The following DYNC2H1 variants were observed in gnomAD, a reference collection of about 807,000 sequenced individuals.
DYNC2H1 encodes dynein cytoplasmic 2 heavy chain 1.
In DYNC2H1, 410 loss-of-function variants were observed where a neutral mutation model predicts 570.0. That is an observed-to-expected ratio of 0.72 (90% CI 0.66 to 0.78). The LOEUF (loss-of-function observed/expected upper bound fraction) is 0.78, where lower values mean the gene tolerates loss of function less well. Among genes scored for constraint, DYNC2H1 ranks in the 30% least tolerant of loss-of-function variants. The pLI is 0.00. For missense variants in DYNC2H1, 4,865 were observed against 5,046.4 expected (o/e 0.96, Z 1.09); for synonymous variants, 1,688 against 1,677.6 (o/e 1.01, Z -0.15).
intron 80 of DYNC2H1, among the ~76,000 whole-genome samples, chr11:103,318,680 T>G (rs3898989): frequency 0.17 from 25,274 of 151,996 alleles, 2,299 homozygotes; most frequent in Admixed American, 0.26. Flanking sequence ...TGTTCACCAT[T>G]ACTAGTTAAT....
chr11:103,171,671 T>C (rs1861579878), intron 34 of DYNC2H1, among the ~76,000 whole-genome samples: 1 of 152,208 alleles, frequency 6.6e-6, no homozygotes, highest in South Asian at 2.1e-4. Context: ...CCTTAATGTA[T>C]TGTCTCATTT....
At chr11:103,337,180 G>A (rs1268456838) in intron 82 of DYNC2H1, among the ~76,000 whole-genome samples, 1 of 152,096 alleles carries the variant, frequency 6.6e-6, no homozygotes, top group Non-Finnish European at 1.5e-5. Context: ...CCTTTATTTT[G>A]GCCCATCCCA....
chr11:103,154,424 T>G (rs1359515115), intron 22 of DYNC2H1, 27 bp from the exon 23 acceptor site: 1 of 1,500,946 alleles, frequency 6.7e-7, no homozygotes, highest in South Asian at 1.4e-5. Flanking sequence ...TTTTTAAAAT[T>G]TAATATTTCA....
chr11:103,240,091 T>G (rs1404742946), intron 63 of DYNC2H1, among the ~76,000 whole-genome samples: 2 of 152,102 alleles, frequency 1.3e-5, no homozygotes, highest in African/African-American at 2.4e-5. Flanking sequence ...AACTAGCAAT[T>G]TATGCTTTTA....
rs1864978485 is a variant in DYNC2H1, at chr11:103,254,764, ATTTG to A, written c.10207-647_10207-644del. ...TGATGACATAGTATTTTATCTTTTT[ATTTG>A]TTTATTTTATTTTATTTTTTTGAGA... On this transcript the variant is annotated intron_variant, in intron 66 of 88. Coordinates refer to ENST00000375735, the MANE Select transcript of DYNC2H1 (RefSeq NM_001377.3). The surrounding 1 kb of genome is among the most constrained non-coding windows in gnomAD (Gnocchi z 4.9). Among the ~76,000 whole-genome samples the A allele has an allele frequency of 6.6e-6, 1 of 151,516 alleles. No homozygotes were observed. The highest frequency in any genetic ancestry group is 1.5e-5 in the Non-Finnish European group (1 of 67,830).
chr11:103,198,369 T>C (rs1862583580), intron 48 of DYNC2H1, among the ~76,000 whole-genome samples: 1 of 152,138 alleles, frequency 6.6e-6, no homozygotes, highest in Admixed American at 6.5e-5. Context: ...ATTAGAGTCA[T>C]GTAGAGATTA....
chr11:103,271,982 A>G (rs1865727203), intron 70 of DYNC2H1, among the ~76,000 whole-genome samples: 1 of 152,212 alleles, frequency 6.6e-6, no homozygotes, highest in Non-Finnish European at 1.5e-5. Flanking sequence ...GTGGGACTGT[A>G]AACTGGTTCA....
In DYNC2H1 at chr11:103,177,743, A is replaced by G. The variant is rs368992145; in HGVS notation, c.6062A>G (p.His2021Arg). The G allele has an allele frequency of 1.1e-5, 17 of 1,613,418 alleles. No homozygotes were observed. The African/African-American group carries it at 2.0e-4, about 19-fold the overall frequency. Residue 2021 changes from histidine to arginine, a missense_variant, in exon 38 of 89, where the codon CAT (histidine) becomes CGT (arginine). Physicochemically the swap from His to Arg is conservative, Grantham distance 29. Transcript: ENST00000375735. This position sits in a 1 kb window ranked among gnomAD's most constrained non-coding sequence, Gnocchi z 4.4. ...ATGCCTCGATATCAATTATTAGGCC[A>G]TATTGACATGGACACAAGAGAATGG... ...KAMPRYQLLG[H>R]IDMDTREWSD...
intron 88 of DYNC2H1, among the ~76,000 whole-genome samples, chr11:103,478,029 G>C (rs547662976): frequency 5.2e-4 from 68 of 131,534 alleles, no homozygotes; most frequent in African/African-American, 1.6e-3. Context: ...AGACAACTGG[G>C]GACGTATCAA....
chr11:103,134,401 A>G lies in DYNC2H1; in HGVS notation c.2187A>G (p.Leu729=), dbSNP rs1002026639. 6.8e-6 allele frequency: 11 copies of G among 1,611,316 alleles called. No individual in the cohort carries two copies. The African/African-American group carries it at 1.5e-4, about 22-fold the overall frequency. ...KDGLQELRTG[L]ATVEAQGFQA... ...GATTACAAGAATTGAGAACTGGCTTAGCAACTGTAGAAGCACAGGTAGAGT... is the reference window on the plus strand; with the variant it reads ...GATTACAAGAATTGAGAACTGGCTTGGCAACTGTAGAAGCACAGGTAGAGT... Residue 729 remains leucine, a synonymous_variant, in exon 15 of 89, where the codon TTA becomes TTG. Coordinates refer to ENST00000375735, the MANE Select transcript of DYNC2H1 (RefSeq NM_001377.3).
rs1425544212 is a variant in DYNC2H1, at chr11:103,109,766, C to G, written c.192C>G (p.Asn64Lys). Residue 64 changes from asparagine (N) to lysine (K), a missense_variant, in exon 1 of 89, where the codon AAC becomes AAG. Physicochemically the swap from Asn to Lys is moderately conservative, Grantham distance 94. Transcript: ENST00000375735. ...QRSDAGISFS[N>K]TIEFGDTKDK... ...CCGACGCAGGAATCTCCTTTTCCAA[C>G]ACGGTACGGTTCCTTGCACTCCTGC... The G allele has an allele frequency of 6.2e-7, 1 of 1,612,808 alleles. No homozygotes were observed. The highest frequency in any genetic ancestry group is 1.3e-5 in the African/African-American group (1 of 75,008).
intron 4 of DYNC2H1, 25 bp downstream of exon 4, chr11:103,115,320 T>C: frequency 6.8e-7 from 1 of 1,474,334 alleles, no homozygotes; most frequent in Non-Finnish European, 9.2e-7. Flanking sequence ...AATGGTGATA[T>C]ATTGGGCTTC....
At position 103,307,809 on chromosome 11, in the gene DYNC2H1, C is replaced by T. The variant is rs764465804; in HGVS notation, c.11471C>T (p.Ser3824Leu). 1 of 1,597,766 alleles carries T rather than the reference C, an allele frequency of 6.3e-7. No homozygotes were observed. Among genetic ancestry groups the T allele is most frequent in the Admixed American group, 1.7e-5 (1 of 58,724 alleles). ...HPNFTPILLQSSLKITYESPP... is the reference protein window; with the variant it reads ...HPNFTPILLQLSLKITYESPP... ...AACTTTACTCCTATTTTACTACAGT[C>T]AAGTCTGAAGATAACATATGAGGTA... The change falls in exon 78 of 89, where the codon TCA becomes TTA. Residue 3824 changes from serine to leucine, a missense_variant. This residue lies in a region of DYNC2H1 where 2,401 missense variants were observed against 2,454.6 expected (regional missense o/e 0.98). Transcript: ENST00000375735.
chr11:103,176,528 T>A lies in DYNC2H1; in HGVS notation c.5874+94T>A, dbSNP rs1591363255. 2.9e-6 allele frequency: 3 copies of A among 1,049,942 alleles called. No individual in the cohort carries two copies. In the East Asian group the frequency reaches 9.4e-5, roughly 33 times the overall value. The allele number at this position is 1,049,942 out of a possible 1,614,324, so 65.0% of individuals were successfully genotyped here. A position where few individuals can be genotyped will look rare whatever the true frequency, so the allele number is the denominator to read the frequency against. On this transcript the variant is annotated intron_variant, in intron 37 of 88. Coordinates refer to ENST00000375735, the MANE Select transcript of DYNC2H1 (RefSeq NM_001377.3). ...GTCCTTCATCTTTCAACTTATCTTT[T>A]ATCTTTCAACTTAGATCTCACTTGC... is the stretch of plus-strand genomic sequence containing the variant.
At chr11:103,433,167 TG>T (rs1943955261) in intron 84 of DYNC2H1, among the ~76,000 whole-genome samples, 1 of 152,112 alleles carries the variant, frequency 6.6e-6, no homozygotes, top group South Asian at 2.1e-4. Flanking sequence ...TCACCTATTA[TG>T]TTTTAATTCT....
intron 75 of DYNC2H1, among the ~76,000 whole-genome samples, chr11:103,296,031 C>T (rs1235186158): frequency 1.3e-5 from 2 of 152,154 alleles, no homozygotes; most frequent in Non-Finnish European, 2.9e-5. Context: ...CACTCACTTT[C>T]CTCCCCTACG....
rs1862654003 is a variant in DYNC2H1 at position 103,200,029 on chromosome 11, A to G, written c.8089-17A>G. The G allele has an allele frequency of 6.5e-7, 1 of 1,544,250 alleles. No individual in the cohort carries two copies. The highest frequency in any genetic ancestry group is 1.2e-5 in the South Asian group (1 of 83,318). On this transcript the variant is annotated splice_polypyrimidine_tract_variant and intron_variant, in intron 49 of 88. Coordinates refer to ENST00000375735, the MANE Select transcript of DYNC2H1 (RefSeq NM_001377.3). ...AAATACTTAAAGGGCACTAAAAAAT[A>G]TTTTCTGATTTTGCAGGTGCTGCAA...
chr11:103,347,972 C>T (rs2135501918), intron 82 of DYNC2H1, among the ~76,000 whole-genome samples: 1 of 152,148 alleles, frequency 6.6e-6, no homozygotes, highest in African/African-American at 2.4e-5. Context: ...AAAAGGAAGT[C>T]GGTGATTGCC....
rs565523729 is a variant in DYNC2H1 at position 103,232,099 on chromosome 11, A to G, written c.9440+753A>G. ...ATAAGAAAAATAAGTATAATGTATT[A>G]TTTTCACTGTCATGTGCTCACAATC... On this transcript the variant is annotated intron_variant, in intron 60 of 88. Transcript: ENST00000375735. Among the ~76,000 whole-genome samples, 10 of 152,066 alleles carry G rather than the reference A, an allele frequency of 6.6e-5. No individual in the cohort carries two copies. The South Asian group carries it at 1.9e-3, about 28-fold the overall frequency.
Sources: gnomAD v4.1 joint callset for allele counts (sites outside exome capture counted in the v4.1 genomes callset) on GRCh38, gnomAD v4.1.1 for gene constraint, gnomAD v4.1.1 regional missense constraint, Gnocchi (gnomAD v3.1) non-coding constraint, MANE v1.5 for transcripts, NCBI Gene and HGNC (gene_info 2026-07-23, HGNC 2026-07-21) for gene names.